Variants in ESPL1 observed in about 807,000 individuals in gnomAD.
ESPL1 encodes the protein extra spindle pole bodies like 1, separase.
In ESPL1, 50 loss-of-function variants were observed where a neutral mutation model predicts 217.2. The ratio of observed to expected loss-of-function variants is 0.23; its 90% CI spans 0.18 to 0.29. ESPL1 has a LOEUF of 0.29. Among genes scored for constraint, ESPL1 ranks in the 10% least tolerant of loss-of-function variants. The pLI is 1.00. For missense variants in ESPL1, 1,834 were observed against 2,603.0 expected, an observed-to-expected ratio of 0.70 and a Z score of 6.43; for synonymous variants, 994 against 1,081.3, an observed-to-expected ratio of 0.92 and a Z score of 1.58.
At position 53,277,182 on chromosome 12, in the gene ESPL1, C is replaced by T. The variant is rs1943781927; in HGVS notation, c.2040C>T (p.Ala680=). 2 of 1,613,990 alleles carry T rather than the reference C, an allele frequency of 1.2e-6. No homozygotes were observed. Among genetic ancestry groups the T allele is most frequent in the East Asian group, 4.5e-5 (2 of 44,870 alleles). Residue 680 remains alanine (A), a synonymous_variant, in exon 9 of 31, where the codon GCC becomes GCT. Coordinates refer to ENST00000257934, the MANE Select transcript of ESPL1 (RefSeq NM_012291.5). The stretch of plus-strand genomic sequence containing the variant: ...AGCTTCTGGACGATAAAGCACAGGC[C>T]TTGCTGTGGCTTTACATCTGTACTC... ...RDQLLDDKAQ[A]LLWLYICTLE... is the part of the protein sequence containing the mutation.
Position 53,283,143 on chromosome 12 carries a change from G to A in ESPL1, c.2806G>A (p.Glu936Lys). 6.2e-7 allele frequency: 1 copy of A among 1,614,220 alleles called. No homozygotes were observed. Residue 936 changes from glutamate to lysine, a missense_variant, in exon 15 of 31, where the codon GAG (glutamate) becomes AAG (lysine). Around this residue, in one of 5 missense-constraint regions of ESPL1, gnomAD observed 107 missense variants for 171.7 expected, o/e 0.62. Coordinates refer to ENST00000257934, the MANE Select transcript of ESPL1 (RefSeq NM_012291.5). ...ACCCACCACAGGCTGGCAGACACCT[G>A]AGATAGCTCTCATAGACTCCCATAA... ...QLCAQGWQTP[E>K]IALIDSHKLL...
Position 53,293,506 on chromosome 12 carries a change from C to G in ESPL1, c.*32C>G, listed in dbSNP as rs759092519. 6.6e-7 allele frequency: 1 copy of G among 1,503,946 alleles called. No homozygotes were observed. The highest frequency in any genetic ancestry group is 1.1e-5 in the South Asian group (1 of 88,820). The allele number at this position is 1,503,946 out of a possible 1,614,324, so 93.2% of individuals were successfully genotyped here. ...GGAGCTGTCTTATTGATGCTAGAAG[C>G]CTCATAACTGTTCTACCTCCAAGGT... On this transcript the variant is annotated 3_prime_UTR_variant, in exon 31 of 31. Transcript: ENST00000257934. This position sits in a 1 kb window ranked among gnomAD's most constrained non-coding sequence, Gnocchi z 4.2.
Position 53,286,966 on chromosome 12 carries a change from TGGA to T in ESPL1, c.4176+59_4176+61del, listed in dbSNP as rs547534336. 812 of 1,516,652 alleles carry T rather than the reference TGGA, an allele frequency of 5.4e-4. No homozygotes were observed. Among genetic ancestry groups the T allele is most frequent in the Non-Finnish European group, 6.6e-4 (741 of 1,129,944 alleles). 93.9% of individuals were successfully genotyped at this position (1,516,652 alleles called of 1,614,324 possible). A position where few individuals can be genotyped will look rare whatever the true frequency, so the allele number is the denominator to read the frequency against. ...TGATGGTGTTGGATGGGGTTAGTCC[TGGA>T]GGAGAGTGTTTTATAGAGCAGGTGT... On this transcript the variant is annotated intron_variant, in intron 18 of 30. Coordinates refer to ENST00000257934, the MANE Select transcript of ESPL1 (RefSeq NM_012291.5). This position sits in a 1 kb window ranked among gnomAD's most constrained non-coding sequence, Gnocchi z 5.3.
chr12:53,279,477 G>A (rs534214082), intron 11 of ESPL1, among the ~76,000 whole-genome samples: 2 of 152,204 alleles, frequency 1.3e-5, no homozygotes, highest in African/African-American at 2.4e-5. Flanking sequence ...AAGGTTAAAT[G>A]CACTGATGCA....
chr12:53,286,066 C>T lies in ESPL1; in HGVS notation c.3330C>T (p.Ala1110=). 1 of 1,611,072 alleles carries T rather than the reference C, an allele frequency of 6.2e-7. No individual in the cohort carries two copies. Among genetic ancestry groups the T allele is most frequent in the South Asian group, 1.1e-5 (1 of 91,020 alleles). ...FLRGPALELV[A]TVAKEPGPIA... ...GAGGCCCTGCTCTAGAGCTGGTGGCCACTGTGGCCAAGGAGCCTGGCCCCA... is the reference window on the plus strand; with the variant it reads ...GAGGCCCTGCTCTAGAGCTGGTGGCTACTGTGGCCAAGGAGCCTGGCCCCA... The change falls in exon 18 of 31, where the codon GCC becomes GCT. Residue 1110 remains alanine (A), a synonymous_variant. Transcript: ENST00000257934. The surrounding 1 kb of genome is among the most constrained non-coding windows in gnomAD (Gnocchi z 5.3).
In ESPL1 at chr12:53,269,640, T is replaced by C; in HGVS notation, c.698T>C (p.Val233Ala). 6.2e-7 allele frequency: 1 copy of C among 1,614,216 alleles called. No homozygotes were observed. The highest frequency in any genetic ancestry group is 8.5e-7 in the Non-Finnish European group (1 of 1,180,044). ...LLSRHVIRAL[V>A]GERGSSSGLL... Reference sequence around the variant, plus strand: ...TCCAGGCACGTGATCAGAGCCTTGGTGGGTGAGAGAGGGAGCTCTTCTGGG... The same window carrying C: ...TCCAGGCACGTGATCAGAGCCTTGGCGGGTGAGAGAGGGAGCTCTTCTGGG... Residue 233 changes from valine (V) to alanine (A), a missense_variant, in exon 3 of 31, where the codon GTG (valine) becomes GCG (alanine). Val to Ala is a moderately conservative substitution (Grantham distance 64). Around this residue, in one of 5 missense-constraint regions of ESPL1, gnomAD observed 746 missense variants for 1,077.0 expected, o/e 0.69. Coordinates refer to ENST00000257934, the MANE Select transcript of ESPL1 (RefSeq NM_012291.5). This position sits in a 1 kb window ranked among gnomAD's most constrained non-coding sequence, Gnocchi z 6.7.
In ESPL1 at chr12:53,286,396, T is replaced by C. The variant is rs560493169; in HGVS notation, c.3660T>C (p.Asp1220=). Residue 1220 remains aspartate, a synonymous_variant, in exon 18 of 31, where the codon GAT becomes GAC. Transcript: ENST00000257934. This position sits in a 1 kb window ranked among gnomAD's most constrained non-coding sequence, Gnocchi z 5.3. ...CCTCCTTGGTTCCAAGCCTCTTGGA[T>C]GAGATCTTGGCTCAAGCATACACAC... ...TPPSLVPSLL[D]EILAQAYTLL... The C allele has an allele frequency of 9.9e-6, 16 of 1,614,164 alleles. No individual in the cohort carries two copies. In the South Asian group the frequency reaches 1.4e-4, roughly 14 times the overall value.
chr12:53,271,444 A>G (rs1021341794), intron 5 of ESPL1, among the ~76,000 whole-genome samples: 2 of 151,200 alleles, frequency 1.3e-5, no homozygotes, highest in African/African-American at 2.4e-5. Context: ...CTGGTCTTGA[A>G]CTCCTGGACT....
chr12:53,291,759 A>T lies in ESPL1; in HGVS notation c.5590A>T (p.Thr1864Ser), dbSNP rs368685698. 3.1e-6 allele frequency: 5 copies of T among 1,613,582 alleles called. No homozygotes were observed. The highest frequency in any genetic ancestry group is 4.2e-6 in the Non-Finnish European group (5 of 1,179,880). Residue 1864 changes from threonine (T) to serine (S), a missense_variant, in exon 26 of 31, where the codon ACC (threonine) becomes TCC (serine). Thr to Ser is a moderately conservative substitution (Grantham distance 58). This residue lies in a region of ESPL1 where 295 missense variants were observed against 519.8 expected (regional missense o/e 0.57). Transcript: ENST00000257934. Reference sequence around the variant, plus strand: ...GGCCCTGGCCTACGGGCTGTGCCCAACCCAGCCAGAGCGAGCCCAGGAGCT... The same window carrying T: ...GGCCCTGGCCTACGGGCTGTGCCCATCCCAGCCAGAGCGAGCCCAGGAGCT... Reference protein sequence around the residue: ...IQALAYGLCPTQPERAQELLN... With the variant: ...IQALAYGLCPSQPERAQELLN...
At chr12:53,285,026 A>AAGAAGAAAGAAAG (rs1943923039) in intron 17 of ESPL1, among the ~76,000 whole-genome samples, 2 of 95,628 alleles carry the variant, frequency 2.1e-5, no homozygotes, top group South Asian at 5.3e-4. Flanking sequence ...AAAAAAAAAA[A>AAGAAGAAAGAAAG]AGAAGAAAGA....
Position 53,290,837 on chromosome 12 carries a change from T to C in ESPL1, c.5365-4T>C. 6.4e-7 allele frequency: 1 copy of C among 1,556,118 alleles called. No homozygotes were observed. The highest frequency in any genetic ancestry group is 8.7e-7 in the Non-Finnish European group (1 of 1,150,102). ...TGACTGAAGGGTCTGCCCTCTGCATTCAGGTTCTCATCGCTTCCCTAGAGA... is the reference window on the plus strand; with the variant it reads ...TGACTGAAGGGTCTGCCCTCTGCATCCAGGTTCTCATCGCTTCCCTAGAGA... On this transcript the variant is annotated splice_region_variant and splice_polypyrimidine_tract_variant and intron_variant, in intron 24 of 30. Coordinates refer to ENST00000257934, the MANE Select transcript of ESPL1 (RefSeq NM_012291.5).
At chr12:53,278,066 C>A in intron 11 of ESPL1, 106 bp downstream of exon 11, 1 of 1,188,810 alleles carries the variant, frequency 8.4e-7, no homozygotes, top group Non-Finnish European at 1.2e-6. Flanking sequence ...CCATGAAAGC[C>A]AGTGATGGAA....
chr12:53,271,948 G>A (rs933561641), intron 5 of ESPL1, among the ~76,000 whole-genome samples: 6 of 151,908 alleles, frequency 3.9e-5, no homozygotes, highest in Admixed American at 6.6e-5. Flanking sequence ...TTAGCCGGGC[G>A]TGGTGGCAGG....
rs1944078329 is a variant in ESPL1 at position 53,292,400 on chromosome 12, GGC to G, written c.5912+11_5912+12del. ...TTCGAGCCAATTTCAGCAGGTCAGG[GGC>G]GCGAAGACAAGAAGACGTGTGGGGA... is the stretch of plus-strand genomic sequence containing the variant. On this transcript the variant is annotated splice_region_variant and intron_variant, in intron 28 of 30. Transcript: ENST00000257934. This position sits in a 1 kb window ranked among gnomAD's most constrained non-coding sequence, Gnocchi z 4.5. The G allele has an allele frequency of 3.8e-6, 6 of 1,599,404 alleles. No individual in the cohort carries two copies. In the African/African-American group the frequency reaches 8.0e-5, roughly 21 times the overall value.
Position 53,271,172 on chromosome 12 carries a change from G to GTTT in ESPL1, c.1369+391_1369+393dup, listed in dbSNP as rs1555185860. On this transcript the variant is annotated intron_variant, in intron 5 of 30. Coordinates refer to ENST00000257934, the MANE Select transcript of ESPL1 (RefSeq NM_012291.5). Reference sequence around the variant, plus strand: ...AAATGACCTTTCTGTATATTTAAGTGTTTTTTTTTTTTTTTTTTTGAGACA... The same window carrying GTTT: ...AAATGACCTTTCTGTATATTTAAGTGTTTTTTTTTTTTTTTTTTTTTTGAGACA... 1.2e-4 allele frequency among the ~76,000 whole-genome samples: 14 copies of GTTT among 117,728 alleles called. 1 individual carries two copies. Among genetic ancestry groups the GTTT allele is most frequent in the African/African-American group, 2.0e-4 (6 of 30,612 alleles). 77.2% of individuals were successfully genotyped at this position (117,728 alleles called of 152,430 possible). A position where few individuals can be genotyped will look rare whatever the true frequency, so the allele number is the denominator to read the frequency against.
In ESPL1 at chr12:53,292,849, G is replaced by A; in HGVS notation, c.6040G>A (p.Ala2014Thr). Residue 2014 changes from alanine to threonine, a missense_variant, in exon 30 of 31, where the codon GCT (alanine) becomes ACT (threonine). Physicochemically the swap from Ala to Thr is moderately conservative, Grantham distance 58 (BLOSUM62 0). Around this residue, in one of 5 missense-constraint regions of ESPL1, gnomAD observed 295 missense variants for 519.8 expected, o/e 0.57. Coordinates refer to ENST00000257934, the MANE Select transcript of ESPL1 (RefSeq NM_012291.5). This position sits in a 1 kb window ranked among gnomAD's most constrained non-coding sequence, Gnocchi z 4.5. ...GAGARFLDGQ[A>T]VLRLSCRAVA... is the part of the protein sequence containing the mutation. Reference sequence around the variant, plus strand: ...TGGTGCCCGCTTCCTTGATGGGCAGGCTGTCCTGCGGCTGAGCTGTCGGGC... The same window carrying A: ...TGGTGCCCGCTTCCTTGATGGGCAGACTGTCCTGCGGCTGAGCTGTCGGGC... The A allele has an allele frequency of 6.2e-7, 1 of 1,612,098 alleles. No homozygotes were observed. Among genetic ancestry groups the A allele is most frequent in the Non-Finnish European group, 8.5e-7 (1 of 1,180,040 alleles).
intron 18 of ESPL1, 71 bp from the exon 19 acceptor site, chr12:53,287,901 G>T: frequency 1.4e-6 from 2 of 1,473,476 alleles, no homozygotes; most frequent in Admixed American, 4.4e-5. Context: ...CCTCCACTAC[G>T]CCACCTGCTG....
intron 23 of ESPL1, 26 bp downstream of exon 23, chr12:53,290,238 A>G (rs779861639): frequency 1.2e-4 from 187 of 1,613,146 alleles, no homozygotes; most frequent in Middle Eastern, 9.9e-4. Flanking sequence ...CATGGAGCAA[A>G]GTTGGGCTGG....
chr12:53,289,130 T>G lies in ESPL1; in HGVS notation c.4749T>G (p.Val1583=). The G allele has an allele frequency of 6.2e-7, 1 of 1,614,226 alleles. No homozygotes were observed. The highest frequency in any genetic ancestry group is 8.5e-7 in the Non-Finnish European group (1 of 1,180,028). ...ACTCCATCTGTGACTCCCTGAGTGTTGCTTTCCGGGGCATTAGTCACTGTC... is the reference window on the plus strand; with the variant it reads ...ACTCCATCTGTGACTCCCTGAGTGTGGCTTTCCGGGGCATTAGTCACTGTC... ...TLDSICDSLS[V]AFRGISHCPP... is the part of the protein sequence containing the mutation. Residue 1583 remains valine (V), a synonymous_variant, in exon 21 of 31, where the codon GTT becomes GTG. Transcript: ENST00000257934.
Sources: gnomAD v4.1 joint callset for allele counts (sites outside exome capture counted in the v4.1 genomes callset) on GRCh38, gnomAD v4.1.1 for gene constraint, gnomAD v4.1.1 regional missense constraint, Gnocchi (gnomAD v3.1) non-coding constraint, MANE v1.5 for transcripts, NCBI Gene and HGNC (gene_info 2026-07-23, HGNC 2026-07-21) for gene names.